Variants in SLC16A3 observed in about 807,000 individuals in gnomAD.
SLC16A3 encodes solute carrier family 16 member 3.
Under a neutral mutation model 25.0 loss-of-function variants are expected in SLC16A3, and 22 were observed. The ratio of observed to expected loss-of-function variants is 0.88; its 90% CI spans 0.63 to 1.26. The LOEUF is 1.26. Among genes scored for constraint, SLC16A3 ranks in the 50% most tolerant of loss-of-function variants. The pLI is 0.00. For missense variants in SLC16A3, 731 were observed against 666.6 expected (o/e 1.10, Z -1.06); for synonymous variants, 390 against 309.2 (o/e 1.26, Z -2.74).
At chr17:82,218,837 ATC>A (rs1328472134) in intron 1 of SLC16A3, among the ~76,000 whole-genome samples, 1 of 152,164 alleles carries the variant, frequency 6.6e-6, no homozygotes, top group African/African-American at 2.4e-5. Context: ...ACTCACCTGC[ATC>A]TGTTCCATCC....
chr17:82,236,690 G>A (rs1378844609), intron 2 of SLC16A3, 39 bp from the exon 3 acceptor site: 6 of 1,586,262 alleles, frequency 3.8e-6, no homozygotes, highest in Admixed American at 3.4e-5. Flanking sequence ...GGTAGAGCTG[G>A]CTGCAGGCCC....
rs775412505 is a variant in SLC16A3 at position 82,240,027 on chromosome 17, C to T, written c.*1051C>T. The T allele has an allele frequency of 3.0e-5, 37 of 1,233,646 alleles. No individual in the cohort carries two copies. Among genetic ancestry groups the T allele is most frequent in the East Asian group, 3.2e-5 (1 of 31,696 alleles). The allele number at this position is 1,233,646 out of a possible 1,614,324, so 76.4% of individuals were successfully genotyped here. A position where few individuals can be genotyped will look rare whatever the true frequency, so the allele number is the denominator to read the frequency against. ...GACGGCAGCGGGTGCCCTGGCGGGCCGCGTGCAGCCGGAGAGATGCCATGT... is the reference window on the plus strand; with the variant it reads ...GACGGCAGCGGGTGCCCTGGCGGGCTGCGTGCAGCCGGAGAGATGCCATGT... On this transcript the variant is annotated 3_prime_UTR_variant, in exon 5 of 5. Transcript: ENST00000582743.
At chr17:82,238,644 C>T in intron 4 of SLC16A3, 58 bp from the exon 5 acceptor site, 6 of 1,529,264 alleles carry the variant, frequency 3.9e-6, no homozygotes, top group Non-Finnish European at 5.3e-6. Context: ...TTGGGTGGAG[C>T]CGTGGGCCCT....
In SLC16A3 at chr17:82,238,843, CG is replaced by C. The variant is rs773939238; in HGVS notation, c.1267del (p.Ala423ProfsTer25). 1.2e-6 allele frequency: 2 copies of C among 1,612,342 alleles called. No individual in the cohort carries two copies. Among genetic ancestry groups the C allele is most frequent in the Non-Finnish European group, 1.7e-6 (2 of 1,179,596 alleles). Reference protein sequence around the residue: ...KKPKEPQPEVAAAEEEKLHKP... With the variant: ...KKPKEPQPEVXAAEEEKLHKP... ...CCCAAAGAGCCACAGCCTGAGGTGG[CG>C]GCCGCGGAGGAGGAGAAGCTCCACA... is the stretch of plus-strand genomic sequence containing the variant. On this transcript the variant is annotated frameshift_variant, in exon 5 of 5. Coordinates refer to ENST00000582743, the MANE Select transcript of SLC16A3 (RefSeq NM_004207.4). LOFTEE classifies it low-confidence loss of function (END_TRUNC).
In SLC16A3 at chr17:82,237,595, C is replaced by A. The variant is rs1196338230; in HGVS notation, c.825C>A (p.Ile275=). The change falls in exon 4 of 5, where the codon ATC becomes ATA. Residue 275 remains isoleucine, a synonymous_variant. Transcript: ENST00000582743. ...FLLTILGFID[I]FARPAAGFVA... ...TCACCATCCTGGGCTTCATTGACAT[C>A]TTCGCGCGGCCGGCCGCGGGCTTCG... 2.5e-6 allele frequency: 4 copies of A among 1,612,398 alleles called. No individual in the cohort carries two copies. The African/African-American group carries it at 5.3e-5, about 22-fold the overall frequency.
Position 82,239,881 on chromosome 17 carries a change from C to T in SLC16A3, c.*905C>T, listed in dbSNP as rs746517344. 56 of 700,528 alleles carry T rather than the reference C, an allele frequency of 8.0e-5. No homozygotes were observed. Among genetic ancestry groups the T allele is most frequent in the Non-Finnish European group, 9.4e-5 (47 of 502,592 alleles). The allele number at this position is 700,528 out of a possible 1,614,324, so 43.4% of individuals were successfully genotyped here. A position where few individuals can be genotyped will look rare whatever the true frequency, so the allele number is the denominator to read the frequency against. On this transcript the variant is annotated 3_prime_UTR_variant, in exon 5 of 5. Transcript: ENST00000582743. ...CTGTCCTCCATCCAGCCCGGCCCAGCGCTTGGGCTTGTCCTGGACACCTAA... is the reference window on the plus strand; with the variant it reads ...CTGTCCTCCATCCAGCCCGGCCCAGTGCTTGGGCTTGTCCTGGACACCTAA...
upstream of SLC16A3, among the ~76,000 whole-genome samples, chr17:82,223,706 G>A (rs1180565012): frequency 1.3e-5 from 2 of 151,658 alleles, no homozygotes; most frequent in Admixed American, 6.6e-5. Flanking sequence ...GTAGAAATTC[G>A]GTTTGCTGCA....
chr17:82,236,961 C>T (rs1415902251), intron 3 of SLC16A3, 89 bp downstream of exon 3: 2 of 1,542,550 alleles, frequency 1.3e-6, no homozygotes, highest in African/African-American at 2.7e-5. Context: ...TGGAGGACAG[C>T]AGGGCGGGTG....
In SLC16A3 at chr17:82,237,008, T is replaced by C. The variant is rs566211310; in HGVS notation, c.368-130T>C. On this transcript the variant is annotated intron_variant, in intron 3 of 4. Coordinates refer to ENST00000582743, the MANE Select transcript of SLC16A3 (RefSeq NM_004207.4). ...TCCCGGCCCCACCTCGTTGTCCCCC[T>C]CTCGAGTGGGTGGGTGGCAGGGGCT... The C allele has an allele frequency of 2.7e-6, 4 of 1,458,098 alleles. No homozygotes were observed. In the East Asian group the frequency reaches 7.3e-5, roughly 27 times the overall value. The allele number at this position is 1,458,098 out of a possible 1,614,324, so 90.3% of individuals were successfully genotyped here.
upstream of SLC16A3, among the ~76,000 whole-genome samples, chr17:82,224,909 C>T (rs891933937): frequency 1.3e-5 from 2 of 152,130 alleles, no homozygotes; most frequent in Non-Finnish European, 2.9e-5. Flanking sequence ...GTGGGTCAGG[C>T]CCCACTGGGC....
intron 1 of SLC16A3, among the ~76,000 whole-genome samples, chr17:82,221,617 C>CAA (rs1280100369): frequency 6.6e-6 from 1 of 151,780 alleles, no homozygotes; most frequent in African/African-American, 2.4e-5. Context: ...AAAGACAACC[C>CAA]AATACCAAAG....
Position 82,237,138 on chromosome 17 carries a change from G to T in SLC16A3, c.368G>T (p.Gly123Val). Reference protein sequence around the residue: ...QVYLTTGVITGLGLALNFQPS... With the variant: ...QVYLTTGVITVLGLALNFQPS... ...TCTCACCACATTCCCTTTCCTCCAG[G>T]GTTGGGTTTGGCACTCAACTTCCAG... Residue 123 changes from glycine to valine, a missense_variant and splice_region_variant, in exon 4 of 5, where the codon GGG (glycine) becomes GTG (valine). Physicochemically the swap from Gly to Val is moderately radical, Grantham distance 109. Coordinates refer to ENST00000582743, the MANE Select transcript of SLC16A3 (RefSeq NM_004207.4). The T allele has an allele frequency of 6.7e-7, 1 of 1,502,692 alleles. No individual in the cohort carries two copies. Among genetic ancestry groups the T allele is most frequent in the Non-Finnish European group, 8.9e-7 (1 of 1,123,932 alleles). 93.1% of individuals were successfully genotyped at this position (1,502,692 alleles called of 1,614,324 possible).
chr17:82,229,281 A>G (rs1223338416), intron 1 of SLC16A3, 175 bp downstream of exon 1: 1 of 151,852 alleles, frequency 6.6e-6, no homozygotes, highest in African/African-American at 2.4e-5. Flanking sequence ...GGCCCCACCG[A>G]GGGCTCCCGA....
chr17:82,221,253 C>T (rs141129264), intron 1 of SLC16A3, among the ~76,000 whole-genome samples: 80 of 152,164 alleles, frequency 5.3e-4, no homozygotes, highest in African/African-American at 1.9e-3. Context: ...AGTTTAATAC[C>T]CAGAACATGT....
rs1461044242 is a variant in SLC16A3, at chr17:82,239,039, A to G, written c.*63A>G. ...CAGAAGCCGGCAACGCTTGCTATTTATTTTACAAACTGGACTGGCTCAGGC... is the reference window on the plus strand; with the variant it reads ...CAGAAGCCGGCAACGCTTGCTATTTGTTTTACAAACTGGACTGGCTCAGGC... On this transcript the variant is annotated 3_prime_UTR_variant, in exon 5 of 5. Coordinates refer to ENST00000582743, the MANE Select transcript of SLC16A3 (RefSeq NM_004207.4). 3 of 1,457,668 alleles carry G rather than the reference A, an allele frequency of 2.1e-6. No homozygotes were observed. Among genetic ancestry groups the G allele is most frequent in the Non-Finnish European group, 2.7e-6 (3 of 1,095,424 alleles). 90.3% of individuals were successfully genotyped at this position (1,457,668 alleles called of 1,614,324 possible). A position where few individuals can be genotyped will look rare whatever the true frequency, so the allele number is the denominator to read the frequency against.
At chr17:82,226,430 C>A (rs774083006), upstream of SLC16A3, among the ~76,000 whole-genome samples, 1 of 152,124 alleles carries the variant, frequency 6.6e-6, no homozygotes, top group Non-Finnish European at 1.5e-5. Flanking sequence ...TGCAGAGATG[C>A]GGACACACGT....
At position 82,237,868 on chromosome 17, in the gene SLC16A3, C is replaced by T. The variant is rs61742980; in HGVS notation, c.1098C>T (p.Ala366=). ...IGLVLLMEAV[A]VLVGPPSGGK... ...TGGTGCTGCTGATGGAGGCGGTGGC[C>T]GTGCTCGTCGGGCCCCCTTCGGGAG... Residue 366 remains alanine, a synonymous_variant, in exon 4 of 5, where the codon GCC becomes GCT. Coordinates refer to ENST00000582743, the MANE Select transcript of SLC16A3 (RefSeq NM_004207.4). 6 of 1,601,076 alleles carry T rather than the reference C, an allele frequency of 3.7e-6. No individual in the cohort carries two copies. The highest frequency in any genetic ancestry group is 2.2e-5 in the East Asian group (1 of 44,868).
chr17:82,218,563 G>A (rs939820882), intron 1 of SLC16A3, among the ~76,000 whole-genome samples: 1 of 152,184 alleles, frequency 6.6e-6, no homozygotes, highest in African/African-American at 2.4e-5. Flanking sequence ...CCCTGAAGGA[G>A]CCATGTGTAA....
chr17:82,222,677 G>A (rs1269138382), intron 1 of SLC16A3, among the ~76,000 whole-genome samples: 5 of 151,920 alleles, frequency 3.3e-5, no homozygotes, highest in Non-Finnish European at 5.9e-5. Context: ...GATGGTGCAC[G>A]CCTGTAATCC....
Sources: gnomAD v4.1 joint callset for allele counts (sites outside exome capture counted in the v4.1 genomes callset) on GRCh38, gnomAD v4.1.1 for gene constraint, MANE v1.5 for transcripts, NCBI Gene and HGNC (gene_info 2026-07-23, HGNC 2026-07-21) for gene names.